The following KLHDC10 variants were observed in gnomAD, a reference collection of about 807,000 sequenced individuals.
KLHDC10 encodes the protein kelch domain containing 10.
KLHDC10 carries 24 observed loss-of-function variants against 56.1 expected under a neutral mutation model. The ratio of observed to expected loss-of-function variants is 0.43; its 90% CI spans 0.31 to 0.60. The LOEUF is 0.60. Among genes scored for constraint, KLHDC10 ranks in the 20% least tolerant of loss-of-function variants. KLHDC10 has a pLI of 0.11. For synonymous variants in KLHDC10, 188 were observed against 207.1 expected, an observed-to-expected ratio of 0.91 and a Z score of 0.79; for missense variants, 349 against 567.0, an observed-to-expected ratio of 0.62 and a Z score of 3.91.
rs1366131230 is a variant in KLHDC10, at chr7:130,120,078, T to C, written c.476-671T>C. ...GGATTAAAATGACAGAAACCATAAT[T>C]GTAAATTTAGAAATCATTCTCCTGG... On this transcript the variant is annotated intron_variant, in intron 3 of 9. Transcript: ENST00000335420. This position sits in a 1 kb window ranked among gnomAD's most constrained non-coding sequence, Gnocchi z 5.1. 6.6e-6 allele frequency among the ~76,000 whole-genome samples: 1 copy of C among 152,166 alleles called. No individual in the cohort carries two copies. Among genetic ancestry groups the C allele is most frequent in the African/African-American group, 2.4e-5 (1 of 41,428 alleles).
rs1346233904 is a variant in KLHDC10, at chr7:130,135,109, A to AC, written c.*4363_*4364insC. 2.1e-5 allele frequency: 3 copies of AC among 140,826 alleles called. No homozygotes were observed. Among genetic ancestry groups the AC allele is most frequent in the African/African-American group, 7.5e-5 (3 of 40,124 alleles). The allele number at this position is 140,826 out of a possible 1,614,324, so 8.7% of individuals were successfully genotyped here. A position where few individuals can be genotyped will look rare whatever the true frequency, so the allele number is the denominator to read the frequency against. Reference sequence around the variant, plus strand: ...TTAATTTGAAAAAAAAAAAAAAAAAAAAACAACTTTTTATAAGTTTTTTAA... The same window carrying AC: ...TTAATTTGAAAAAAAAAAAAAAAAAACAAACAACTTTTTATAAGTTTTTTAA... On this transcript the variant is annotated 3_prime_UTR_variant, in exon 10 of 10. Transcript: ENST00000335420.
At position 130,089,159 on chromosome 7, in the gene KLHDC10, A is replaced by C. The variant is rs560613082; in HGVS notation, c.167-7762A>C. On this transcript the variant is annotated intron_variant, in intron 1 of 9. Transcript: ENST00000335420. Reference sequence around the variant, plus strand: ...TTTAAAATGAACTTTTATCTTTTAAATTTTTCCCCTTGTCCGAAACTTCTT... The same window carrying C: ...TTTAAAATGAACTTTTATCTTTTAACTTTTTCCCCTTGTCCGAAACTTCTT... Among the ~76,000 whole-genome samples, 192 of 152,276 alleles carry C rather than the reference A, an allele frequency of 1.3e-3. 2 individuals are homozygous for C. The highest frequency in any genetic ancestry group is 2.0e-3 in the Admixed American group (31 of 15,296).
chr7:130,081,275 A>G (rs1243770374), intron 1 of KLHDC10, among the ~76,000 whole-genome samples: 1 of 151,578 alleles, frequency 6.6e-6, no homozygotes, highest in African/African-American at 2.4e-5. Context: ...CTGGGATTAC[A>G]GGCGTGAGCC....
intron 1 of KLHDC10, among the ~76,000 whole-genome samples, chr7:130,092,617 CCA>C (rs1257422882): frequency 6.6e-6 from 1 of 152,098 alleles, no homozygotes; most frequent in African/African-American, 2.4e-5. Flanking sequence ...CCCTCTGATC[CCA>C]GTGTTCACAC....
intron 2 of KLHDC10, among the ~76,000 whole-genome samples, chr7:130,105,450 C>G (rs1295491147): frequency 6.6e-6 from 1 of 151,982 alleles, no homozygotes; most frequent in African/African-American, 2.4e-5. Flanking sequence ...ACTTCTTTTC[C>G]CCTAGAACAG....
intron 1 of KLHDC10, among the ~76,000 whole-genome samples, chr7:130,094,336 TAATAATCTCAAGCCC>T (rs1020070759): frequency 4.3e-4 from 65 of 152,178 alleles, no homozygotes; most frequent in African/African-American, 1.4e-3. Context: ...GTAAAAGAGG[TAATAATCTCAAGCCC>T]AATCATAACC....
At chr7:130,108,777 A>G (rs966465120) in intron 2 of KLHDC10, among the ~76,000 whole-genome samples, 2 of 151,554 alleles carry the variant, frequency 1.3e-5, no homozygotes, top group Admixed American at 6.6e-5. Flanking sequence ...TGTATCCTTT[A>G]CCCAGATTCC....
intron 1 of KLHDC10, among the ~76,000 whole-genome samples, chr7:130,092,547 T>A (rs1474486259): frequency 6.6e-6 from 1 of 152,148 alleles, no homozygotes; most frequent in Non-Finnish European, 1.5e-5. Context: ...CCAGGCTCCT[T>A]CAGTGTGACT....
chr7:130,074,588 T>C (rs1182447558), intron 1 of KLHDC10, among the ~76,000 whole-genome samples: 2 of 152,008 alleles, frequency 1.3e-5, no homozygotes, highest in African/African-American at 4.8e-5. Flanking sequence ...ACATTGACTC[T>C]GGATAGATGG....
In KLHDC10 at chr7:130,116,585, T is replaced by TG; in HGVS notation, c.396dup (p.Arg133GlufsTer51). On this transcript the variant is annotated frameshift_variant, in exon 3 of 10. Coordinates refer to ENST00000335420, the MANE Select transcript of KLHDC10 (RefSeq NM_014997.4). LOFTEE classifies it high-confidence loss of function. This position sits in a 1 kb window ranked among gnomAD's most constrained non-coding sequence, Gnocchi z 4.8. ...AGACTATCCTCTCTTCAGGGAACTC[T>TG]GGAGGTATCATTTTGCTACAGGAGT... The TG allele has an allele frequency of 6.2e-7, 1 of 1,614,176 alleles. No homozygotes were observed. Among genetic ancestry groups the TG allele is most frequent in the Non-Finnish European group, 8.5e-7 (1 of 1,180,024 alleles).
At chr7:130,100,050 G>T (rs1795908625) in intron 2 of KLHDC10, among the ~76,000 whole-genome samples, 1 of 151,516 alleles carries the variant, frequency 6.6e-6, no homozygotes, top group African/African-American at 2.4e-5. Context: ...AGGCTACAGT[G>T]AGCTATAATC....
chr7:130,080,375 A>G (rs1795586758), intron 1 of KLHDC10, among the ~76,000 whole-genome samples: 1 of 151,978 alleles, frequency 6.6e-6, no homozygotes, highest in South Asian at 2.1e-4. Flanking sequence ...TTAGACAATT[A>G]TATTGTCCAA....
chr7:130,096,317 A>G (rs1226883627), intron 1 of KLHDC10, among the ~76,000 whole-genome samples: 1 of 152,152 alleles, frequency 6.6e-6, no homozygotes. Context: ...TGGGGTTAAC[A>G]TGGAGGTAAT....
At chr7:130,103,161 C>T (rs898197494) in intron 2 of KLHDC10, among the ~76,000 whole-genome samples, 8 of 152,060 alleles carry the variant, frequency 5.3e-5, no homozygotes, top group African/African-American at 1.9e-4. Flanking sequence ...CACGGTGGCT[C>T]ACACCTGTAA....
intron 1 of KLHDC10, among the ~76,000 whole-genome samples, chr7:130,087,763 T>C (rs1412529291): frequency 7.0e-6 from 1 of 141,902 alleles, no homozygotes; most frequent in African/African-American, 2.5e-5. Flanking sequence ...ATGGAATTTC[T>C]TTTTTTTTTT....
intron 2 of KLHDC10, among the ~76,000 whole-genome samples, chr7:130,104,230 C>T (rs1031161693): frequency 6.6e-5 from 10 of 152,162 alleles, no homozygotes; most frequent in Admixed American, 4.6e-4. Context: ...CTTGCTGTCT[C>T]AGGAGTGGCA....
intron 2 of KLHDC10, among the ~76,000 whole-genome samples, chr7:130,105,206 G>A (rs1203644457): frequency 1.3e-5 from 2 of 152,192 alleles, no homozygotes; most frequent in Middle Eastern, 3.2e-3. Context: ...TTTACCAAAC[G>A]AAGGTGAAGA....
chr7:130,072,802 G>A (rs769320326), intron 1 of KLHDC10, among the ~76,000 whole-genome samples: 10 of 151,648 alleles, frequency 6.6e-5, no homozygotes, highest in Non-Finnish European at 1.2e-4. Context: ...TGTCCTCCAG[G>A]CTGGAGTGCA....
Position 130,116,438 on chromosome 7 carries a change from C to A in KLHDC10, c.254-7C>A. 6.2e-7 allele frequency: 1 copy of A among 1,609,984 alleles called. No individual in the cohort carries two copies. The highest frequency in any genetic ancestry group is 8.5e-7 in the Non-Finnish European group (1 of 1,177,698). On this transcript the variant is annotated splice_polypyrimidine_tract_variant and splice_region_variant and intron_variant, in intron 2 of 9. Coordinates refer to ENST00000335420, the MANE Select transcript of KLHDC10 (RefSeq NM_014997.4). This position sits in a 1 kb window ranked among gnomAD's most constrained non-coding sequence, Gnocchi z 4.8. ...CACCTGTGGAAAACTGTCCTCTTCT[C>A]TCCTAGGCCACAGACCTCCACCAGC...
Sources: gnomAD v4.1 joint callset for allele counts (sites outside exome capture counted in the v4.1 genomes callset) on GRCh38, gnomAD v4.1.1 for gene constraint, Gnocchi (gnomAD v3.1) non-coding constraint, MANE v1.5 for transcripts, NCBI Gene and HGNC (gene_info 2026-07-23, HGNC 2026-07-21) for gene names.